The following TTC28 variants were observed in gnomAD, a reference collection of about 807,000 sequenced individuals.
TTC28 encodes the protein tetratricopeptide repeat domain 28.
TTC28 carries 61 observed loss-of-function variants against 198.0 expected under a neutral mutation model. That is an observed-to-expected ratio of 0.31 (90% confidence interval 0.25 to 0.38). The LOEUF (loss-of-function observed/expected upper bound fraction) is 0.38, where lower values mean the gene tolerates loss of function less well. TTC28 is among the 10% of genes least tolerant of loss of function. The probability of loss-of-function intolerance (pLI) is 1.00; values close to 1 mark genes in which losing one functional copy is unlikely to be tolerated. For synonymous variants in TTC28, 1,171 were observed against 1,297.8 expected (o/e 0.90, Z 2.10); for missense variants, 2,678 against 3,164.0 (o/e 0.85, Z 3.69).
chr22:28,491,988 T>C (rs1182544421), intron 2 of TTC28, among the ~76,000 whole-genome samples: 1 of 152,116 alleles, frequency 6.6e-6, no homozygotes, highest in Non-Finnish European at 1.5e-5. Context: ...GAAACCATCA[T>C]TCTCAGCAAA....
In TTC28 at chr22:28,243,174, C is replaced by CAAAA. The variant is rs754700795; in HGVS notation, c.933+53020_933+53023dup. Among the ~76,000 whole-genome samples the CAAAA allele has an allele frequency of 9.1e-4, 62 of 68,334 alleles. 11 individuals carry two copies. Among genetic ancestry groups the CAAAA allele is most frequent in the African/African-American group, 1.3e-3 (20 of 15,412 alleles). The allele number at this position is 68,334 out of a possible 152,430, so 44.8% of individuals were successfully genotyped here. A position where few individuals can be genotyped will look rare whatever the true frequency, so the allele number is the denominator to read the frequency against. On this transcript the variant is annotated intron_variant, in intron 5 of 22. Transcript: ENST00000397906. ...GCAACCTGGCAAAACCCCCTCTCTACAAAAAAAAAAAAAAAAAAAAAAAAA... is the reference window on the plus strand; with the variant it reads ...GCAACCTGGCAAAACCCCCTCTCTACAAAAAAAAAAAAAAAAAAAAAAAAAAAAA...
intron 6 of TTC28, among the ~76,000 whole-genome samples, chr22:28,148,336 G>A (rs1205264569): frequency 5.3e-5 from 8 of 152,160 alleles, no homozygotes; most frequent in African/African-American, 1.9e-4. Flanking sequence ...GTTCTAGGCC[G>A]GGTGCAGTGG....
At chr22:28,521,179 GCTTGAGGC>G (rs1442462028) in intron 2 of TTC28, among the ~76,000 whole-genome samples, 1 of 151,774 alleles carries the variant, frequency 6.6e-6, no homozygotes, top group Non-Finnish European at 1.5e-5. Context: ...CGAGAGGATA[GCTTGAGGC>G]CAGGAATCCA....
intron 2 of TTC28, among the ~76,000 whole-genome samples, chr22:28,308,421 G>A (rs779527517): frequency 4.6e-5 from 7 of 151,962 alleles, no homozygotes; most frequent in African/African-American, 7.2e-5. Flanking sequence ...AACTTATTAA[G>A]AGACACAAAA....
chr22:28,576,043 G>A (rs2050144007), intron 2 of TTC28, among the ~76,000 whole-genome samples: 2 of 152,152 alleles, frequency 1.3e-5, no homozygotes, highest in South Asian at 4.1e-4. Flanking sequence ...GAATAACAGT[G>A]GTGAAAGTGG....
At chr22:28,646,123 G>A (rs892341914) in intron 1 of TTC28, among the ~76,000 whole-genome samples, 1 of 152,096 alleles carries the variant, frequency 6.6e-6, no homozygotes, top group African/African-American at 2.4e-5. Context: ...GAAGGGAGGA[G>A]GTCAAGCTGT....
At chr22:28,297,491 C>A in intron 4 of TTC28, 89 bp downstream of exon 4, 1 of 1,435,726 alleles carries the variant, frequency 7.0e-7, no homozygotes, top group Non-Finnish European at 9.3e-7. Context: ...CAGGCGATCA[C>A]TTTTCATTGC....
At chr22:28,189,397 T>C (rs1056694067) in intron 5 of TTC28, among the ~76,000 whole-genome samples, 5 of 151,662 alleles carry the variant, frequency 3.3e-5, no homozygotes, top group African/African-American at 1.2e-4. Flanking sequence ...AAAGAAATCC[T>C]AAGGAAGGGG....
At chr22:28,535,940 G>T (rs1427319229) in intron 2 of TTC28, among the ~76,000 whole-genome samples, 2 of 152,034 alleles carry the variant, frequency 1.3e-5, no homozygotes, top group African/African-American at 4.8e-5. Context: ...GCCAGGCACG[G>T]TGGCTCACCC....
chr22:28,091,863 G>T (rs1401420386), intron 12 of TTC28, among the ~76,000 whole-genome samples: 1 of 152,128 alleles, frequency 6.6e-6, no homozygotes, highest in African/African-American at 2.4e-5. Context: ...GAAAATGTCG[G>T]GTATAATGAG....
At chr22:28,234,109 T>C (rs1433761512) in intron 5 of TTC28, among the ~76,000 whole-genome samples, 1 of 151,960 alleles carries the variant, frequency 6.6e-6, no homozygotes, top group African/African-American at 2.4e-5. Context: ...GGTTTCACCA[T>C]GTTAGCCAGG....
chr22:28,402,222 C>A (rs1389202537), intron 2 of TTC28, among the ~76,000 whole-genome samples: 1 of 152,196 alleles, frequency 6.6e-6, no homozygotes, highest in African/African-American at 2.4e-5. Flanking sequence ...TAGGAGAACA[C>A]GTTTCCAGTA....
At chr22:28,196,919 T>G (rs1925409260) in intron 5 of TTC28, among the ~76,000 whole-genome samples, 2 of 152,210 alleles carry the variant, frequency 1.3e-5, no homozygotes, top group Non-Finnish European at 2.9e-5. Context: ...TTCCATTACT[T>G]GGTATATACC....
intron 3 of TTC28, among the ~76,000 whole-genome samples, chr22:28,298,107 T>C (rs1165399114): frequency 6.6e-6 from 1 of 152,134 alleles, no homozygotes; most frequent in African/African-American, 2.4e-5. Context: ...GTGATCATCA[T>C]GTACCACTTT....
intron 12 of TTC28, among the ~76,000 whole-genome samples, chr22:28,059,447 A>G (rs957639644): frequency 7.2e-5 from 11 of 152,034 alleles, no homozygotes; most frequent in African/African-American, 2.4e-4. Flanking sequence ...AATGTGTTTT[A>G]TAGTCTATTT....
chr22:28,436,087 G>A (rs2047516156), intron 2 of TTC28, among the ~76,000 whole-genome samples: 1 of 152,102 alleles, frequency 6.6e-6, no homozygotes, highest in African/African-American at 2.4e-5. Context: ...AATTTTAATA[G>A]GTGCATAGTT....
At chr22:28,594,261 T>G (rs2050495811) in intron 2 of TTC28, among the ~76,000 whole-genome samples, 1 of 148,866 alleles carries the variant, frequency 6.7e-6, no homozygotes, top group Non-Finnish European at 1.5e-5. Context: ...ATAATTATAT[T>G]TATTAATATA....
intron 5 of TTC28, among the ~76,000 whole-genome samples, chr22:28,169,124 C>T (rs1407787130): frequency 6.6e-6 from 1 of 152,240 alleles, no homozygotes; most frequent in South Asian, 2.1e-4. Context: ...CACAATGATA[C>T]ACCATCGCAC....
chr22:28,549,754 T>C (rs1375126535), intron 2 of TTC28, among the ~76,000 whole-genome samples: 1 of 152,204 alleles, frequency 6.6e-6, no homozygotes, highest in East Asian at 1.9e-4. Flanking sequence ...TTTTTACAGT[T>C]AAGACATTTG....
Sources: gnomAD v4.1 joint callset for allele counts (sites outside exome capture counted in the v4.1 genomes callset) on GRCh38, gnomAD v4.1.1 for gene constraint, MANE v1.5 for transcripts, NCBI Gene and HGNC (gene_info 2026-07-23, HGNC 2026-07-21) for gene names.